Variants in LHX5 observed in about 807,000 individuals in gnomAD.
LHX5 encodes LIM/homeobox protein Lhx5.
In LHX5, 5 loss-of-function variants were observed where a neutral mutation model predicts 30.6. That is an observed-to-expected ratio of 0.16 (90% CI 0.09 to 0.34). The LOEUF is 0.34. Among genes scored for constraint, LHX5 ranks in the 10% least tolerant of loss-of-function variants. The pLI is 1.00. For missense variants in LHX5, 458 were observed against 570.6 expected (o/e 0.80, Z 2.01); for synonymous variants, 266 against 252.6 (o/e 1.05, Z -0.50).
rs1470191960 is a variant in LHX5 at position 113,463,166 on chromosome 12, A to G, written c.*24T>C. On this transcript the variant is annotated 3_prime_UTR_variant, in exon 5 of 5. Coordinates refer to ENST00000261731, the MANE Select transcript of LHX5 (RefSeq NM_022363.3). This position sits in a 1 kb window ranked among gnomAD's most constrained non-coding sequence, Gnocchi z 6.7. ...TTCGGGGCGGGGCCCCCGGGGGCCGAGCGCGGGGGGCGGCCCGGCGGCCTT... is the reference window on the plus strand; with the variant it reads ...TTCGGGGCGGGGCCCCCGGGGGCCGGGCGCGGGGGGCGGCCCGGCGGCCTT... The G allele has an allele frequency of 3.4e-6, 5 of 1,474,654 alleles. No homozygotes were observed. Among genetic ancestry groups the G allele is most frequent in the Non-Finnish European group, 4.5e-6 (5 of 1,122,876 alleles). 91.3% of individuals were successfully genotyped at this position (1,474,654 alleles called of 1,614,324 possible). A position where few individuals can be genotyped will look rare whatever the true frequency, so the allele number is the denominator to read the frequency against.
chr12:113,471,257 C>A, intron 1 of LHX5, 69 bp downstream of exon 1: 1 of 1,544,706 alleles, frequency 6.5e-7, no homozygotes, highest in Non-Finnish European at 8.9e-7. Flanking sequence ...GGGGTATCCC[C>A]TTCCCCAGCG....
chr12:113,470,451 G>C (rs1231626253), intron 1 of LHX5, among the ~76,000 whole-genome samples: 1 of 152,262 alleles, frequency 6.6e-6, no homozygotes, highest in African/African-American at 2.4e-5. Context: ...CACGTGTAAA[G>C]GAGCGGCTGA....
chr12:113,469,294 G>A lies in LHX5; in HGVS notation c.225C>T (p.Asp75=). The A allele has an allele frequency of 1.2e-6, 2 of 1,614,160 alleles. No homozygotes were observed. The highest frequency in any genetic ancestry group is 4.5e-5 in the East Asian group (2 of 44,886). Reference sequence around the variant, plus strand: ...CTTTGCTCCGGGCCTTGCGCACCAGGTCGCTGGGCGAGATGCCTTGCGCGC... The same window carrying A: ...CTTTGCTCCGGGCCTTGCGCACCAGATCGCTGGGCGAGATGCCTTGCGCGC... The part of the protein sequence containing the change: ...AGCAQGISPS[D]LVRKARSKVF... The change falls in exon 2 of 5, where the codon GAC becomes GAT. Residue 75 remains aspartate, a synonymous_variant. Transcript: ENST00000261731.
Position 113,471,670 on chromosome 12 carries a change from T to G in LHX5, c.-172A>C. 3.3e-6 allele frequency: 2 copies of G among 610,262 alleles called. No individual in the cohort carries two copies. The allele number at this position is 610,262 out of a possible 1,614,324, so 37.8% of individuals were successfully genotyped here. Reference sequence around the variant, plus strand: ...CCTTGGGCAATCTCTGGCCTGGCGCTGGGCTGCCCGGAGTGGGGTGGTGGG... The same window carrying G: ...CCTTGGGCAATCTCTGGCCTGGCGCGGGGCTGCCCGGAGTGGGGTGGTGGG... On this transcript the variant is annotated 5_prime_UTR_variant, in exon 1 of 5. Transcript: ENST00000261731.
intron 2 of LHX5, 143 bp from the exon 3 acceptor site, chr12:113,468,547 G>C: frequency 1.9e-6 from 2 of 1,061,596 alleles, no homozygotes; most frequent in Non-Finnish European, 2.7e-6. Flanking sequence ...CCAAACCTGC[G>C]ACAGCCCCTC....
chr12:113,462,832 A>C lies in LHX5; in HGVS notation c.*358T>G, dbSNP rs1958182866. On this transcript the variant is annotated 3_prime_UTR_variant, in exon 5 of 5. Transcript: ENST00000261731. ...CCGCCCCTTGGCCTCACCCTCTCTC[A>C]GTCCAAAGAGGTGGCGGTGGCTGGG... 2 of 150,680 alleles carry C rather than the reference A, an allele frequency of 1.3e-5. No individual in the cohort carries two copies. The highest frequency in any genetic ancestry group is 4.1e-4 in the South Asian group (2 of 4,904). The allele number at this position is 150,680 out of a possible 1,614,324, so 9.3% of individuals were successfully genotyped here. A position where few individuals can be genotyped will look rare whatever the true frequency, so the allele number is the denominator to read the frequency against.
Position 113,467,178 on chromosome 12 carries a change from C to A in LHX5, c.841+78G>T. 7.6e-7 allele frequency: 1 copy of A among 1,323,026 alleles called. No individual in the cohort carries two copies. The highest frequency in any genetic ancestry group is 1.9e-5 in the South Asian group (1 of 53,238). 82.0% of individuals were successfully genotyped at this position (1,323,026 alleles called of 1,614,324 possible). ...GGCGATGTTCTGGAGCGGCGGAAAGCGTGCTGGCCGGGACCCTTCGCCCTC... is the reference window on the plus strand; with the variant it reads ...GGCGATGTTCTGGAGCGGCGGAAAGAGTGCTGGCCGGGACCCTTCGCCCTC... On this transcript the variant is annotated intron_variant, in intron 4 of 4. Coordinates refer to ENST00000261731, the MANE Select transcript of LHX5 (RefSeq NM_022363.3). The surrounding 1 kb of genome is among the most constrained non-coding windows in gnomAD (Gnocchi z 6.3).
At chr12:113,469,445 A>G in intron 1 of LHX5, 100 bp from the exon 2 acceptor site, 1 of 1,056,268 alleles carries the variant, frequency 9.5e-7, no homozygotes, top group South Asian at 1.5e-5. Context: ...TGAAGTCCCC[A>G]TTTCCATATC....
intron 1 of LHX5, among the ~76,000 whole-genome samples, chr12:113,471,023 TG>T: frequency 6.6e-6 from 1 of 152,354 alleles, no homozygotes; most frequent in East Asian, 1.9e-4. Flanking sequence ...GGGTTGCAGC[TG>T]CTTGGAAGGG....
rs1017944978 is a variant in LHX5, at chr12:113,467,614, G to C, written c.676-193C>G. On this transcript the variant is annotated intron_variant, in intron 3 of 4. Transcript: ENST00000261731. The surrounding 1 kb of genome is among the most constrained non-coding windows in gnomAD (Gnocchi z 6.3). ...TTCGGCGAACCAGCCAAGGGTGAAG[G>C]ATTTCGCGGACCCGTGGGGCGACTC... Among the ~76,000 whole-genome samples, 1 of 152,342 alleles carries C rather than the reference G, an allele frequency of 6.6e-6. No homozygotes were observed. Among genetic ancestry groups the C allele is most frequent in the Middle Eastern group, 3.4e-3 (1 of 294 alleles).
rs549173981 is a variant in LHX5, at chr12:113,467,575, G to A, written c.676-154C>T. Among the ~76,000 whole-genome samples, 87 of 152,354 alleles carry A rather than the reference G, an allele frequency of 5.7e-4. No individual in the cohort carries two copies. Among genetic ancestry groups the A allele is most frequent in the African/African-American group, 2.0e-3 (85 of 41,592 alleles). Reference sequence around the variant, plus strand: ...GGGCCGGGCCGGATTAGGCCGGGAGGGGTGGAGAGAGGCTTCGGCGAACCA... The same window carrying A: ...GGGCCGGGCCGGATTAGGCCGGGAGAGGTGGAGAGAGGCTTCGGCGAACCA... On this transcript the variant is annotated intron_variant, in intron 3 of 4. Transcript: ENST00000261731. The surrounding 1 kb of genome is among the most constrained non-coding windows in gnomAD (Gnocchi z 6.3).
chr12:113,463,373 G>A lies in LHX5; in HGVS notation c.1026C>T (p.Thr342=), dbSNP rs1055143170. The change falls in exon 5 of 5, where the codon ACC becomes ACT. Residue 342 remains threonine (T), a synonymous_variant. Transcript: ENST00000261731. The surrounding 1 kb of genome is among the most constrained non-coding windows in gnomAD (Gnocchi z 6.7). ...GTGTGTCCGGGTGCGAGATCATGTC[G>A]GTGAACCTGGGGTTGTCCGCGGCGT... is the stretch of plus-strand genomic sequence containing the variant. ...GPHAADNPRF[T]DMISHPDTPS... 1.3e-6 allele frequency: 2 copies of A among 1,553,376 alleles called. No homozygotes were observed. Among genetic ancestry groups the A allele is most frequent in the Non-Finnish European group, 1.7e-6 (2 of 1,150,382 alleles).
rs573834123 is a variant in LHX5, at chr12:113,466,281, G to A, written c.841+975C>T. Among the ~76,000 whole-genome samples, 111 of 152,310 alleles carry A rather than the reference G, an allele frequency of 7.3e-4. No individual in the cohort carries two copies. Among genetic ancestry groups the A allele is most frequent in the African/African-American group, 2.6e-3 (109 of 41,558 alleles). ...GGTGCTTTCTTGAGCCCTCAGCCCT[G>A]GGAAGAACAGGACAGTGAGCTTGGT... On this transcript the variant is annotated intron_variant, in intron 4 of 4. Coordinates refer to ENST00000261731, the MANE Select transcript of LHX5 (RefSeq NM_022363.3). This position sits in a 1 kb window ranked among gnomAD's most constrained non-coding sequence, Gnocchi z 6.5.
chr12:113,463,337 C>T lies in LHX5; in HGVS notation c.1062G>A (p.Glu354=). The T allele has an allele frequency of 6.5e-7, 1 of 1,539,112 alleles. No homozygotes were observed. ...GGTGCAGCGTGCCCGGCAGGCCTGGCTCGGGGCTCGGTGTGTCCGGGTGCG... is the reference window on the plus strand; with the variant it reads ...GGTGCAGCGTGCCCGGCAGGCCTGGTTCGGGGCTCGGTGTGTCCGGGTGCG... The part of the protein sequence containing the change: ...MISHPDTPSP[E]PGLPGTLHPM... Residue 354 remains glutamate (E), a synonymous_variant, in exon 5 of 5, where the codon GAG becomes GAA. Transcript: ENST00000261731. The surrounding 1 kb of genome is among the most constrained non-coding windows in gnomAD (Gnocchi z 6.7).
Position 113,463,510 on chromosome 12 carries a change from C to T in LHX5, c.889G>A (p.Ala297Thr). ...TGCGCCTGCGAAGGCGGGCCGTGCGCGAAGAAGTCGTAGTTGCTTCCCGGC... is the reference window on the plus strand; with the variant it reads ...TGCGCCTGCGAAGGCGGGCCGTGCGTGAAGAAGTCGTAGTTGCTTCCCGGC... ...YAPGSNYDFF[A>T]HGPPSQAQSP... is the part of the protein sequence containing the mutation. Residue 297 changes from alanine (A) to threonine (T), a missense_variant, in exon 5 of 5, where the codon GCG becomes ACG. By Grantham distance (58) the Ala-to-Thr change is moderately conservative (BLOSUM62 0). Around this residue, in one of 3 missense-constraint regions of LHX5, gnomAD observed 255 missense variants for 246.8 expected, o/e 1.03. Coordinates refer to ENST00000261731, the MANE Select transcript of LHX5 (RefSeq NM_022363.3). The surrounding 1 kb of genome is among the most constrained non-coding windows in gnomAD (Gnocchi z 6.7). 1.9e-6 allele frequency: 3 copies of T among 1,563,926 alleles called. No individual in the cohort carries two copies. Among genetic ancestry groups the T allele is most frequent in the Non-Finnish European group, 2.6e-6 (3 of 1,162,810 alleles).
chr12:113,462,223 A>T lies in LHX5; in HGVS notation c.*967T>A, dbSNP rs1207635490. ...AGTACAATAAATAAACAGTAAACACAAAAACATACTTTATTTGTTTCTTCT... is the reference window on the plus strand; with the variant it reads ...AGTACAATAAATAAACAGTAAACACTAAAACATACTTTATTTGTTTCTTCT... On this transcript the variant is annotated 3_prime_UTR_variant, in exon 5 of 5. Coordinates refer to ENST00000261731, the MANE Select transcript of LHX5 (RefSeq NM_022363.3). 1 of 152,202 alleles carries T rather than the reference A, an allele frequency of 6.6e-6. No individual in the cohort carries two copies. Among genetic ancestry groups the T allele is most frequent in the East Asian group, 1.9e-4 (1 of 5,200 alleles). The allele number at this position is 152,202 out of a possible 1,614,324, so 9.4% of individuals were successfully genotyped here.
chr12:113,471,651 G>T lies in LHX5; in HGVS notation c.-153C>A. Reference sequence around the variant, plus strand: ...AAGACTCAGCCGGTCCAGTCCTTGGGCAATCTCTGGCCTGGCGCTGGGCTG... The same window carrying T: ...AAGACTCAGCCGGTCCAGTCCTTGGTCAATCTCTGGCCTGGCGCTGGGCTG... On this transcript the variant is annotated 5_prime_UTR_variant, in exon 1 of 5. Coordinates refer to ENST00000261731, the MANE Select transcript of LHX5 (RefSeq NM_022363.3). 4.0e-6 allele frequency: 3 copies of T among 746,080 alleles called. No homozygotes were observed. The highest frequency in any genetic ancestry group is 1.9e-5 in the South Asian group (1 of 51,650). 46.2% of individuals were successfully genotyped at this position (746,080 alleles called of 1,614,324 possible).
Position 113,463,644 on chromosome 12 carries a change from G to A in LHX5, c.842-87C>T. ...CCCGGGACCCGGGGAGGGGACCCGG[G>A]CGGGCGAGAGAGGGGAGCGCGCGAC... is the stretch of plus-strand genomic sequence containing the variant. On this transcript the variant is annotated intron_variant, in intron 4 of 4. Coordinates refer to ENST00000261731, the MANE Select transcript of LHX5 (RefSeq NM_022363.3). This position sits in a 1 kb window ranked among gnomAD's most constrained non-coding sequence, Gnocchi z 6.7. The A allele has an allele frequency of 7.2e-7, 1 of 1,387,088 alleles. No homozygotes were observed. The highest frequency in any genetic ancestry group is 1.5e-5 in the South Asian group (1 of 68,494). The allele number at this position is 1,387,088 out of a possible 1,614,324, so 85.9% of individuals were successfully genotyped here.
At position 113,463,645 on chromosome 12, in the gene LHX5, C is replaced by A. The variant is rs917757547; in HGVS notation, c.842-88G>T. 7 of 1,375,598 alleles carry A rather than the reference C, an allele frequency of 5.1e-6. No homozygotes were observed. Among genetic ancestry groups the A allele is most frequent in the African/African-American group, 1.5e-5 (1 of 67,156 alleles). The allele number at this position is 1,375,598 out of a possible 1,614,324, so 85.2% of individuals were successfully genotyped here. On this transcript the variant is annotated intron_variant, in intron 4 of 4. Coordinates refer to ENST00000261731, the MANE Select transcript of LHX5 (RefSeq NM_022363.3). This position sits in a 1 kb window ranked among gnomAD's most constrained non-coding sequence, Gnocchi z 6.7. The stretch of plus-strand genomic sequence containing the variant: ...CCGGGACCCGGGGAGGGGACCCGGG[C>A]GGGCGAGAGAGGGGAGCGCGCGACA...
Sources: gnomAD v4.1 joint callset for allele counts (sites outside exome capture counted in the v4.1 genomes callset) on GRCh38, gnomAD v4.1.1 for gene constraint, gnomAD v4.1.1 regional missense constraint, Gnocchi (gnomAD v3.1) non-coding constraint, MANE v1.5 for transcripts, NCBI Gene and HGNC (gene_info 2026-07-23, HGNC 2026-07-21) for gene names.